Variants in LCORL observed in about 807,000 individuals in gnomAD.
The protein encoded by LCORL is ligand dependent nuclear receptor corepressor like.
Under a neutral mutation model 141.8 loss-of-function variants are expected in LCORL, and 41 were observed. That is an observed-to-expected ratio of 0.29 (90% CI 0.23 to 0.38). LCORL has a LOEUF of 0.38. Among genes scored for constraint, LCORL ranks in the 10% least tolerant of loss-of-function variants. The pLI, the probability that LCORL is intolerant of heterozygous loss-of-function variation, is 1.00. For synonymous variants in LCORL, 618 were observed against 694.1 expected, an observed-to-expected ratio of 0.89 and a Z score of 1.72; for missense variants, 1,759 against 2,035.0, an observed-to-expected ratio of 0.86 and a Z score of 2.61.
At chr4:17,962,863 A>G (rs1714117731) in intron 3 of LCORL, 107 bp downstream of exon 3, 1 of 490,204 alleles carries the variant, frequency 2.0e-6, no homozygotes, top group Admixed American at 3.7e-5. Context: ...TCAAATACTT[A>G]AACTTCCACT....
intron 7 of LCORL, among the ~76,000 whole-genome samples, chr4:17,862,354 TACTC>T (rs1198143992): frequency 2.6e-5 from 4 of 152,184 alleles, no homozygotes; most frequent in African/African-American, 9.7e-5. Context: ...TTGTAAGACT[TACTC>T]ACTATCACAA....
At chr4:18,012,322 G>C (rs935253818) in intron 1 of LCORL, among the ~76,000 whole-genome samples, 6 of 152,198 alleles carry the variant, frequency 3.9e-5, no homozygotes, top group Admixed American at 3.9e-4. Context: ...GACGCCTGCA[G>C]CTCCAGCTGT....
intron 4 of LCORL, chr4:17,911,708 G>C (rs1732563213): frequency 2.0e-6 from 1 of 500,094 alleles, no homozygotes. Flanking sequence ...TTCTCCACCA[G>C]CTACTGTTTC....
chr4:17,848,200 T>C (rs1159187256), intron 7 of LCORL, among the ~76,000 whole-genome samples: 1 of 152,110 alleles, frequency 6.6e-6, no homozygotes, highest in African/African-American at 2.4e-5. Context: ...AATTTACTAA[T>C]ATACAGCTTG....
At chr4:17,847,040 C>A (rs1723018887) in intron 7 of LCORL, among the ~76,000 whole-genome samples, 1 of 152,198 alleles carries the variant, frequency 6.6e-6, no homozygotes, top group Admixed American at 6.5e-5. Flanking sequence ...ACATCTGGAG[C>A]AGAGTGCTAC....
chr4:17,895,272 C>CT (rs1177499186), intron 5 of LCORL, among the ~76,000 whole-genome samples: 1 of 152,054 alleles, frequency 6.6e-6, no homozygotes, highest in Non-Finnish European at 1.5e-5. Context: ...TCCTACCTAA[C>CT]TTTGTACCTG....
chr4:17,864,372 G>A (rs1174970280), intron 7 of LCORL, among the ~76,000 whole-genome samples: 8 of 152,090 alleles, frequency 5.3e-5, no homozygotes, highest in Admixed American at 3.3e-4. Flanking sequence ...CCACAGGCAC[G>A]TGCCACTACA....
intron 5 of LCORL, among the ~76,000 whole-genome samples, chr4:17,897,058 T>C (rs1428800786): frequency 2.0e-5 from 3 of 152,104 alleles, no homozygotes; most frequent in African/African-American, 7.2e-5. Context: ...CTCATTCTTT[T>C]TTATGGCTGA....
rs577760171 is a variant in LCORL at position 17,914,089 on chromosome 4, A to G, written c.431-4744T>C. On this transcript the variant is annotated intron_variant, in intron 4 of 7. Coordinates refer to ENST00000635767, the Ensembl canonical transcript of LCORL. The stretch of plus-strand genomic sequence containing the variant: ...TTTTTAGTCCAAACTAGATTATATT[A>G]GCACATGTAACCTAACTAAAGTGCA... Among the ~76,000 whole-genome samples the G allele has an allele frequency of 4.6e-5, 7 of 152,372 alleles. No homozygotes were observed. In the East Asian group the frequency reaches 1.3e-3, roughly 29 times the overall value.
At chr4:17,860,385 A>G (rs2109128666) in intron 7 of LCORL, among the ~76,000 whole-genome samples, 1 of 152,272 alleles carries the variant, frequency 6.6e-6, no homozygotes, top group Middle Eastern at 3.4e-3. Flanking sequence ...CAGACAAGAG[A>G]GCTTGTGCTG....
chr4:17,889,746 G>A (rs1229030076), intron 5 of LCORL, among the ~76,000 whole-genome samples: 2 of 151,648 alleles, frequency 1.3e-5, no homozygotes, highest in East Asian at 3.9e-4. Context: ...GTGGGGGTGG[G>A]GGAAGGATAT....
chr4:17,843,488 A>T lies in LCORL; in HGVS notation c.*2400T>A, dbSNP rs1577221261. ...CAGTTATTTGCTTTAATAAAGAAGA[A>T]GTTACCCTTGTCAAAATCAGAACAA... On this transcript the variant is annotated 3_prime_UTR_variant, in exon 8 of 8. Transcript: ENST00000635767. 9.6e-6 allele frequency: 15 copies of T among 1,562,146 alleles called. No homozygotes were observed. In the East Asian group the frequency reaches 3.4e-4, roughly 35 times the overall value.
In LCORL at chr4:17,883,892, T is replaced by C. The variant is rs1375284464; in HGVS notation, c.776+2176A>G. The C allele has an allele frequency of 3.9e-6, 6 of 1,550,556 alleles. No individual in the cohort carries two copies. The South Asian group carries it at 7.1e-5, about 18-fold the overall frequency. ...AGGTACCCCATAAATTCCTTGTGCT[T>C]TGGAAACACTCATTTTTCCGCTCAT... On this transcript the variant is annotated intron_variant, in intron 6 of 7. Transcript: ENST00000635767.
intron 2 of LCORL, among the ~76,000 whole-genome samples, chr4:17,964,833 A>G (rs1275211041): frequency 1.3e-5 from 2 of 151,010 alleles, no homozygotes; most frequent in East Asian, 1.9e-4. Context: ...CAAGCGTAAC[A>G]TAATTCTGAT....
chr4:17,928,912 TACAA>T (rs777351472), intron 4 of LCORL, among the ~76,000 whole-genome samples: 46 of 152,028 alleles, frequency 3.0e-4, no homozygotes, highest in African/African-American at 1.0e-3. Context: ...GGAATCTGTA[TACAA>T]ACAAACATTA....
intron 4 of LCORL, among the ~76,000 whole-genome samples, chr4:17,921,817 G>C (rs879080319): frequency 6.6e-6 from 1 of 152,150 alleles, no homozygotes; most frequent in African/African-American, 2.4e-5. Context: ...TGCCAGTTAG[G>C]CTAGGATAAA....
At chr4:17,990,839 A>T (rs1157856680) in intron 1 of LCORL, among the ~76,000 whole-genome samples, 1 of 152,094 alleles carries the variant, frequency 6.6e-6, no homozygotes, top group Non-Finnish European at 1.5e-5. Flanking sequence ...CCACCAGTGA[A>T]TGTGGAAAGA....
chr4:17,848,687 C>G (rs556261323), intron 7 of LCORL, among the ~76,000 whole-genome samples: 1 of 152,154 alleles, frequency 6.6e-6, no homozygotes, highest in African/African-American at 2.4e-5. Context: ...CGCAGGACAG[C>G]GGGTGCAGTG....
intron 2 of LCORL, among the ~76,000 whole-genome samples, chr4:17,969,362 GTTTC>G (rs1374847284): frequency 1.3e-5 from 2 of 152,132 alleles, no homozygotes; most frequent in East Asian, 1.9e-4. Flanking sequence ...GCACTCAAAA[GTTTC>G]TTTCAAAACC....
Sources: allele counts gnomAD v4.1 joint callset (sites outside exome capture counted in the v4.1 genomes callset), GRCh38; gene constraint gnomAD v4.1.1; transcripts MANE v1.5; gene names NCBI Gene and HGNC (gene_info 2026-07-23, HGNC 2026-07-21).